BRME1: variants seen among roughly 807,000 people sequenced by gnomAD.
BRME1 encodes the protein BRCA2 and MEILB2-associating protein 1.
BRME1 carries 31 observed loss-of-function variants against 52.6 expected under a neutral mutation model. The observed-to-expected ratio is 0.59, with a 90% confidence interval of 0.44 to 0.80. The LOEUF is 0.80. Ranked by LOEUF, BRME1 falls within the 30% of genes least tolerant of loss-of-function variation. BRME1 has a pLI of 0.00. For synonymous variants in BRME1, 359 were observed against 353.6 expected (o/e 1.02, Z -0.17); for missense variants, 804 against 860.3 (o/e 0.93, Z 0.82).
At position 13,883,304 on chromosome 19, in the gene BRME1, G is replaced by A. The variant is rs1208004401; in HGVS notation, c.1856+4C>T. ...TGTGCCGTGAGTCCAAGCCCACCCC[G>A]TACTTCAGGTTGGAGAGCTCAACGA... On this transcript the variant is annotated splice_donor_region_variant and intron_variant, in intron 8 of 8. Coordinates refer to ENST00000586783, the MANE Select transcript of BRME1 (RefSeq NM_001345843.2). The surrounding 1 kb of genome is among the most constrained non-coding windows in gnomAD (Gnocchi z 4.2). The A allele has an allele frequency of 7.2e-6, 11 of 1,531,826 alleles. No individual in the cohort carries two copies. The highest frequency in any genetic ancestry group is 8.7e-6 in the Non-Finnish European group (10 of 1,143,390). 94.9% of individuals were successfully genotyped at this position (1,531,826 alleles called of 1,614,324 possible).
chr19:13,899,149 TTC>T (rs1268609068), intron 2 of BRME1, among the ~76,000 whole-genome samples: 7 of 119,284 alleles, frequency 5.9e-5, no homozygotes, highest in African/African-American at 2.9e-4. Flanking sequence ...CTTCTTCTTC[TTC>T]TTTTTTTTTT....
At chr19:13,896,691 TA>T (rs1482328710) in intron 2 of BRME1, among the ~76,000 whole-genome samples, 2 of 149,504 alleles carry the variant, frequency 1.3e-5, no homozygotes, top group South Asian at 2.1e-4. Context: ...ATACTATATA[TA>T]TATTTTTTCT....
rs752478900 is a variant in BRME1 at position 13,904,914 on chromosome 19, C to G, written c.-21-1G>C. The G allele has an allele frequency of 9.9e-6, 16 of 1,612,382 alleles. No homozygotes were observed. In the South Asian group the frequency reaches 1.6e-4, roughly 17 times the overall value. On this transcript the variant is annotated splice_acceptor_variant, in intron 1 of 8. Coordinates refer to ENST00000586783, the MANE Select transcript of BRME1 (RefSeq NM_001345843.2). LOFTEE classifies it low-confidence loss of function (5UTR_SPLICE). ...TCATTTTATCTTCCCCTTGAGAAAT[C>G]TGAAAACAAGCAAAATCTCTCATCA...
chr19:13,893,398 T>C lies in BRME1; in HGVS notation c.207-175A>G, dbSNP rs139452714. Among the ~76,000 whole-genome samples the C allele has an allele frequency of 5.0e-4, 76 of 151,990 alleles. 1 individual carries two copies. In the East Asian group the frequency reaches 0.014, roughly 28 times the overall value. On this transcript the variant is annotated intron_variant, in intron 3 of 8. Coordinates refer to ENST00000586783, the MANE Select transcript of BRME1 (RefSeq NM_001345843.2). The stretch of plus-strand genomic sequence containing the variant: ...ACTAAAAATACAAAAATTAGCTGGA[T>C]GTGGTGGCGCACGCCTGTAATCCCA...
rs182722321 is a variant in BRME1 at position 13,882,779 on chromosome 19, G to A, written c.*23C>T. 1.9e-5 allele frequency: 31 copies of A among 1,612,962 alleles called. 1 individual carries two copies. The African/African-American group carries it at 2.3e-4, about 12-fold the overall frequency. On this transcript the variant is annotated 3_prime_UTR_variant, in exon 9 of 9. Transcript: ENST00000586783. The stretch of plus-strand genomic sequence containing the variant: ...GCGGACATGGGGGCTGGGTGGCAAA[G>A]GAAACACAGACCTCAAAGTGGCCTA...
chr19:13,903,738 C>T (rs935648780), intron 2 of BRME1, among the ~76,000 whole-genome samples: 49 of 151,870 alleles, frequency 3.2e-4, no homozygotes, highest in African/African-American at 1.2e-3. Context: ...ATCCCTTCCT[C>T]TCACCTAGTT....
chr19:13,885,486 G>T (rs1434585998), intron 7 of BRME1: 2 of 155,326 alleles, frequency 1.3e-5, no homozygotes, highest in African/African-American at 4.8e-5. Context: ...GAGGGAGGAG[G>T]TGGTTCGCCT....
rs758517319 is a variant in BRME1 at position 13,895,507 on chromosome 19, C to G, written c.71G>C (p.Arg24Thr). ...GGGGTCCCCATAGAAGTCTCCTAGC[C>G]TTGGGTTCTTTAGGGGTTTTGGAGG... ...LCPPKPLKNP[R>T]LGDFYGDPQS... Residue 24 changes from arginine (R) to threonine (T), a missense_variant, in exon 3 of 9, where the codon AGG becomes ACG. By Grantham distance (71) the Arg-to-Thr change is moderately conservative. This residue lies in a region of BRME1 where 234 missense variants were observed against 258.1 expected (regional missense o/e 0.91). Coordinates refer to ENST00000586783, the MANE Select transcript of BRME1 (RefSeq NM_001345843.2). 24 of 1,613,718 alleles carry G rather than the reference C, an allele frequency of 1.5e-5. No homozygotes were observed. The highest frequency in any genetic ancestry group is 1.4e-5 in the Non-Finnish European group (16 of 1,179,908).
chr19:13,882,645 A>C lies in BRME1; in HGVS notation c.*157T>G. On this transcript the variant is annotated 3_prime_UTR_variant, in exon 9 of 9. Coordinates refer to ENST00000586783, the MANE Select transcript of BRME1 (RefSeq NM_001345843.2). ...ACCTTGACCCTGGCCAGGTGAGGCC[A>C]GGACCTCACGGCCTCCTTTGTGTTG... is the stretch of plus-strand genomic sequence containing the variant. 1.1e-6 allele frequency: 1 copy of C among 944,238 alleles called. No homozygotes were observed. Among genetic ancestry groups the C allele is most frequent in the Non-Finnish European group, 1.6e-6 (1 of 621,416 alleles). 58.5% of individuals were successfully genotyped at this position (944,238 alleles called of 1,614,324 possible). A position where few individuals can be genotyped will look rare whatever the true frequency, so the allele number is the denominator to read the frequency against.
chr19:13,890,089 C>T lies in BRME1; in HGVS notation c.767G>A (p.Gly256Glu), dbSNP rs753309834. ...KPDRGAPQEG[G>E]AQRTAGAGLP... is the part of the protein sequence containing the mutation. ...GCCAGCCCCTGCTGTCCTTTGGGCC[C>T]CTCCCTCCTGGGGGGCTCCTCTGTC... is the stretch of plus-strand genomic sequence containing the variant. The change falls in exon 6 of 9, where the codon GGG (glycine) becomes GAG (glutamate). Residue 256 changes from glycine to glutamate, a missense_variant. Transcript: ENST00000586783. 1.1e-5 allele frequency: 17 copies of T among 1,613,774 alleles called. No homozygotes were observed. In the South Asian group the frequency reaches 1.9e-4, roughly 18 times the overall value.
In BRME1 at chr19:13,888,990, C is replaced by CAGGT. The variant is rs1969241594; in HGVS notation, c.1668+194_1668+197dup. Among the ~76,000 whole-genome samples the CAGGT allele has an allele frequency of 6.6e-6, 1 of 152,120 alleles. No individual in the cohort carries two copies. Among genetic ancestry groups the CAGGT allele is most frequent in the Admixed American group, 6.5e-5 (1 of 15,276 alleles). ...AGATATGTCGACAACCACCAAAAGG[C>CAGGT]AGGTCTACACTTTCTGGAAAACCAC... is the stretch of plus-strand genomic sequence containing the variant. On this transcript the variant is annotated intron_variant, in intron 6 of 8. Transcript: ENST00000586783. The surrounding 1 kb of genome is among the most constrained non-coding windows in gnomAD (Gnocchi z 4.1).
chr19:13,894,984 G>A (rs954972209), intron 3 of BRME1, among the ~76,000 whole-genome samples: 3 of 152,028 alleles, frequency 2.0e-5, no homozygotes, highest in East Asian at 1.9e-4. Context: ...GGGTTCAGTC[G>A]ATTCTCCTGC....
intron 2 of BRME1, among the ~76,000 whole-genome samples, chr19:13,901,642 T>A (rs1243357745): frequency 2.7e-5 from 4 of 146,984 alleles, no homozygotes; most frequent in Non-Finnish European, 6.0e-5. Context: ...GAGGTTACAG[T>A]GAACCAAAAT....
intron 2 of BRME1, among the ~76,000 whole-genome samples, chr19:13,902,188 A>G (rs1418220810): frequency 6.6e-6 from 1 of 151,796 alleles, no homozygotes; most frequent in Non-Finnish European, 1.5e-5. Flanking sequence ...CAAATACAAA[A>G]ATTATCTGAG....
intron 2 of BRME1, among the ~76,000 whole-genome samples, chr19:13,899,239 C>G (rs1476625635): frequency 6.6e-6 from 1 of 150,420 alleles, no homozygotes; most frequent in African/African-American, 2.5e-5. Context: ...ACCTCTGCCT[C>G]CTGGGTTCAA....
chr19:13,894,398 G>A (rs1248653441), intron 3 of BRME1, among the ~76,000 whole-genome samples: 2 of 152,074 alleles, frequency 1.3e-5, no homozygotes, highest in South Asian at 2.1e-4. Context: ...GGTGGCGGGC[G>A]CCTTTCATCC....
intron 5 of BRME1, among the ~76,000 whole-genome samples, chr19:13,892,278 TTG>T (rs1969557156): frequency 6.6e-6 from 1 of 151,872 alleles, no homozygotes; most frequent in African/African-American, 2.4e-5. Flanking sequence ...CTGTACCATT[TTG>T]TGTTTTTTTA....
Position 13,889,466 on chromosome 19 carries a change from G to T in BRME1, c.1390C>A (p.Gln464Lys). 1 of 1,613,934 alleles carries T rather than the reference G, an allele frequency of 6.2e-7. No individual in the cohort carries two copies. ...CCCTCGAGGTCTCGTTCGAGGTTCTGGCCACCTAACTCGGCTTCCTCTTGA... is the reference window on the plus strand; with the variant it reads ...CCCTCGAGGTCTCGTTCGAGGTTCTTGCCACCTAACTCGGCTTCCTCTTGA... ...PAQEEAELGG[Q>K]NLERDLEGFR... The change falls in exon 6 of 9, where the codon CAG (glutamine) becomes AAG (lysine). Residue 464 changes from glutamine to lysine, a missense_variant. Transcript: ENST00000586783.
At position 13,883,685 on chromosome 19, in the gene BRME1, T is replaced by C. The variant is rs1968797621; in HGVS notation, c.1764-285A>G. ...CTTGTCCCCCACAGGCACTGGGGGC[T>C]GTGAACTTGGAAACCTAGCTCAGAG... is the stretch of plus-strand genomic sequence containing the variant. On this transcript the variant is annotated intron_variant, in intron 7 of 8. Transcript: ENST00000586783. The surrounding 1 kb of genome is among the most constrained non-coding windows in gnomAD (Gnocchi z 4.2). 2.6e-6 allele frequency: 1 copy of C among 378,356 alleles called. No individual in the cohort carries two copies. Among genetic ancestry groups the C allele is most frequent in the Non-Finnish European group, 4.9e-6 (1 of 203,170 alleles). The allele number at this position is 378,356 out of a possible 1,614,324, so 23.4% of individuals were successfully genotyped here. A position where few individuals can be genotyped will look rare whatever the true frequency, so the allele number is the denominator to read the frequency against.
Sources: gnomAD v4.1 joint callset for allele counts (sites outside exome capture counted in the v4.1 genomes callset) on GRCh38, gnomAD v4.1.1 for gene constraint, gnomAD v4.1.1 regional missense constraint, Gnocchi (gnomAD v3.1) non-coding constraint, MANE v1.5 for transcripts, NCBI Gene and HGNC (gene_info 2026-07-23, HGNC 2026-07-21) for gene names.